The following OXNAD1 variants were observed in gnomAD, a reference collection of about 807,000 sequenced individuals.
OXNAD1 encodes the protein oxidoreductase NAD binding domain containing 1.
Under a neutral mutation model 32.9 loss-of-function variants are expected in OXNAD1, and 34 were observed. The observed-to-expected ratio is 1.03, with a 90% CI of 0.79 to 1.38. The LOEUF is 1.38. OXNAD1 is among the 40% of genes most tolerant of loss of function. The pLI is 0.00. For synonymous variants in OXNAD1, 134 were observed against 135.2 expected, an observed-to-expected ratio of 0.99 and a Z score of 0.06; for missense variants, 407 against 379.4, an observed-to-expected ratio of 1.07 and a Z score of -0.60.
At chr3:16,275,295 CGCAGTGGCTCGTGTCTGTAATCCCA>C (rs1263428034) in intron 4 of OXNAD1, 1 of 153,264 alleles carries the variant, frequency 6.5e-6, no homozygotes, top group African/African-American at 2.4e-5. Flanking sequence ...TGTGGTCAAG[CGCAGTGGCTCGTGTCTGTAATCCCA>C]GCACTTTGGG....
At chr3:16,294,766 C>T in intron 5 of OXNAD1, 90 bp from the exon 6 acceptor site, 3 of 1,226,046 alleles carry the variant, frequency 2.4e-6, no homozygotes, top group Non-Finnish European at 1.1e-6. Context: ...AATTTTTTTT[C>T]ATAGTCTTGC....
chr3:16,272,249 C>T, intron 4 of OXNAD1: 1 of 418,962 alleles, frequency 2.4e-6, no homozygotes, highest in Non-Finnish European at 4.7e-6. Flanking sequence ...CATATTCAGA[C>T]TATAGAAAGC....
chr3:16,293,287 TA>T (rs933615456), intron 5 of OXNAD1, among the ~76,000 whole-genome samples: 5 of 152,262 alleles, frequency 3.3e-5, no homozygotes, highest in African/African-American at 9.6e-5. Flanking sequence ...TATGCTATTA[TA>T]AGTGTAATTG....
Position 16,344,448 on chromosome 3 carries a change from G to A in OXNAD1, c.*31-4728G>A, listed in dbSNP as rs2071509213. Among the ~76,000 whole-genome samples, 1 of 152,084 alleles carries A rather than the reference G, an allele frequency of 6.6e-6. No homozygotes were observed. The highest frequency in any genetic ancestry group is 2.4e-5 in the African/African-American group (1 of 41,380). ...GCGGCTCTGGTTGACACTGGCATGG[G>A]TGGGTGGTCCAGAGTCTTCCCCACT... is the stretch of plus-strand genomic sequence containing the variant. On this transcript the variant is annotated intron_variant, in intron 9 of 9. Transcript: ENST00000606098. The surrounding 1 kb of genome is among the most constrained non-coding windows in gnomAD (Gnocchi z 4.4).
At position 16,291,647 on chromosome 3, in the gene OXNAD1, G is replaced by A. The variant is rs1301149500; in HGVS notation, c.291-3209G>A. Among the ~76,000 whole-genome samples the A allele has an allele frequency of 3.9e-5, 6 of 152,278 alleles. No homozygotes were observed. In the East Asian group the frequency reaches 1.2e-3, roughly 29 times the overall value. ...TTGTTTATATCTTCATTAGCTGATG[G>A]ACATTTACATTGTTTCCACTTTGGG... On this transcript the variant is annotated intron_variant, in intron 5 of 8. Transcript: ENST00000285083.
chr3:16,274,012 A>G (rs2065147364), intron 4 of OXNAD1, among the ~76,000 whole-genome samples: 1 of 152,074 alleles, frequency 6.6e-6, no homozygotes, highest in South Asian at 2.1e-4. Context: ...TACAGTATTC[A>G]GTATTCTGTG....
At chr3:16,300,227 TCTAA>T (rs764834488) in intron 6 of OXNAD1, among the ~76,000 whole-genome samples, 1 of 152,186 alleles carries the variant, frequency 6.6e-6, no homozygotes, top group African/African-American at 2.4e-5. Context: ...AACATAATTC[TCTAA>T]CTAATACAAA....
Position 16,269,252 on chromosome 3 carries a change from C to T in OXNAD1, c.-32C>T. On this transcript the variant is annotated 5_prime_UTR_variant, in exon 2 of 9. Coordinates refer to ENST00000285083, the MANE Select transcript of OXNAD1 (RefSeq NM_138381.5). ...TCAGCTGACCATATACTTAATGACT[C>T]CTAAAATCTCGTGGACTTCTAAGGT... The T allele has an allele frequency of 6.5e-7, 1 of 1,535,306 alleles. No homozygotes were observed. Among genetic ancestry groups the T allele is most frequent in the Non-Finnish European group, 8.7e-7 (1 of 1,146,744 alleles).
In OXNAD1 at chr3:16,287,953, C is replaced by T. The variant is rs116818626; in HGVS notation, c.290+1505C>T. 1.5e-3 allele frequency among the ~76,000 whole-genome samples: 229 copies of T among 152,238 alleles called. No homozygotes were observed. Among genetic ancestry groups the T allele is most frequent in the African/African-American group, 5.4e-3 (223 of 41,548 alleles). ...AGACTTCTTCGGAGGTCGGACTTGG[C>T]GGGTAAGGATCACTGGCTGGTAGTG... is the stretch of plus-strand genomic sequence containing the variant. On this transcript the variant is annotated intron_variant, in intron 5 of 8. Transcript: ENST00000285083. The surrounding 1 kb of genome is among the most constrained non-coding windows in gnomAD (Gnocchi z 4.8).
At position 16,321,868 on chromosome 3, in the gene OXNAD1, C is replaced by T. The variant is rs1479802954; in HGVS notation, c.*31-15244C>T. On this transcript the variant is annotated intron_variant, in intron 9 of 9. Coordinates refer to the OXNAD1 transcript ENST00000435829. The surrounding 1 kb of genome is among the most constrained non-coding windows in gnomAD (Gnocchi z 4.8). ...AAATCTATCTCTAAAGTCTCCCTGC[C>T]GACTCAAGTTTCCACTGACTTGTCC... Among the ~76,000 whole-genome samples, 1 of 152,158 alleles carries T rather than the reference C, an allele frequency of 6.6e-6. No homozygotes were observed. Among genetic ancestry groups the T allele is most frequent in the Non-Finnish European group, 1.5e-5 (1 of 68,016 alleles).
At position 16,329,524 on chromosome 3, in the gene OXNAD1, T is replaced by C. The variant is rs756945325; in HGVS notation, c.*31-7588T>C. Among the ~76,000 whole-genome samples, 3 of 152,228 alleles carry C rather than the reference T, an allele frequency of 2.0e-5. No homozygotes were observed. The highest frequency in any genetic ancestry group is 6.5e-5 in the Admixed American group (1 of 15,298). On this transcript the variant is annotated intron_variant, in intron 9 of 9. Coordinates refer to the OXNAD1 transcript ENST00000435829. The surrounding 1 kb of genome is among the most constrained non-coding windows in gnomAD (Gnocchi z 4.5). ...ATGGCCCAGCAGTTGTGACCATCCTTTCTGCCTGGCCTCTGGGCACACGCA... is the reference window on the plus strand; with the variant it reads ...ATGGCCCAGCAGTTGTGACCATCCTCTCTGCCTGGCCTCTGGGCACACGCA...
At position 16,316,756 on chromosome 3, in the gene OXNAD1, C is replaced by T; in HGVS notation, c.*30+13164C>T. On this transcript the variant is annotated intron_variant, in intron 9 of 9. Transcript: ENST00000435829. This position sits in a 1 kb window ranked among gnomAD's most constrained non-coding sequence, Gnocchi z 4.5. ...AACACACAACACCAGGGAAACCAGC[C>T]CCCAAACCAGCTGTTGGTAAGATGC... is the stretch of plus-strand genomic sequence containing the variant. 4 of 1,581,908 alleles carry T rather than the reference C, an allele frequency of 2.5e-6. No homozygotes were observed. Among genetic ancestry groups the T allele is most frequent in the Non-Finnish European group, 2.6e-6 (3 of 1,153,918 alleles).
rs1384721118 is a variant in OXNAD1, at chr3:16,289,610, A to G, written c.290+3162A>G. ...ACTGTAGATAGATAATATCCTTGCA[A>G]CCTACACAAGCATGTGTGGCAGCCC... On this transcript the variant is annotated intron_variant, in intron 5 of 8. Coordinates refer to ENST00000285083, the MANE Select transcript of OXNAD1 (RefSeq NM_138381.5). This position sits in a 1 kb window ranked among gnomAD's most constrained non-coding sequence, Gnocchi z 4.9. Among the ~76,000 whole-genome samples, 2 of 151,772 alleles carry G rather than the reference A, an allele frequency of 1.3e-5. No homozygotes were observed. Among genetic ancestry groups the G allele is most frequent in the Admixed American group, 1.3e-4 (2 of 15,248 alleles).
In OXNAD1 at chr3:16,280,953, A is replaced by G. The variant is rs1184376303; in HGVS notation, c.184-5389A>G. On this transcript the variant is annotated intron_variant, in intron 4 of 8. Transcript: ENST00000285083. This position sits in a 1 kb window ranked among gnomAD's most constrained non-coding sequence, Gnocchi z 4.5. ...ATGTGTTTTAACTTAGGACATGGAT[A>G]GTTGAGGTTTCAGTTGTGAATCTTT... 6.6e-6 allele frequency among the ~76,000 whole-genome samples: 1 copy of G among 152,230 alleles called. No individual in the cohort carries two copies. Among genetic ancestry groups the G allele is most frequent in the African/African-American group, 2.4e-5 (1 of 41,460 alleles).
rs554271326 is a variant in OXNAD1 at position 16,329,980 on chromosome 3, G to A, written c.*31-7132G>A. Among the ~76,000 whole-genome samples the A allele has an allele frequency of 3.3e-5, 5 of 152,210 alleles. No homozygotes were observed. The highest frequency in any genetic ancestry group is 2.1e-4 in the South Asian group (1 of 4,824). ...CGCCTGCTTAGACAGACTGCAAACC[G>A]GCTGCTTCTATTTTGCTCCGTTTTA... On this transcript the variant is annotated intron_variant, in intron 9 of 9. Coordinates refer to the OXNAD1 transcript ENST00000435829. This position sits in a 1 kb window ranked among gnomAD's most constrained non-coding sequence, Gnocchi z 4.5.
intron 9 of OXNAD1, chr3:16,323,412 A>C (rs690216): frequency 0.56 from 896,709 of 1,604,842 alleles, 253,138 homozygotes; most frequent in African/African-American, 0.71. Flanking sequence ...GAGGTAGACA[A>C]GGTCTCTGAA....
At position 16,316,708 on chromosome 3, in the gene OXNAD1, T is replaced by G. The variant is rs1026196260; in HGVS notation, c.*30+13116T>G. 12 of 1,258,752 alleles carry G rather than the reference T, an allele frequency of 9.5e-6. No homozygotes were observed. The highest frequency in any genetic ancestry group is 1.4e-5 in the Non-Finnish European group (12 of 878,868). The allele number at this position is 1,258,752 out of a possible 1,614,324, so 78.0% of individuals were successfully genotyped here. A position where few individuals can be genotyped will look rare whatever the true frequency, so the allele number is the denominator to read the frequency against. On this transcript the variant is annotated intron_variant, in intron 9 of 9. Coordinates refer to the OXNAD1 transcript ENST00000435829. This position sits in a 1 kb window ranked among gnomAD's most constrained non-coding sequence, Gnocchi z 4.5. ...GCTCAGGTGAGCTCACAAGGAGAGG[T>G]CAAGCCAAGCCAAAGGGTAGGTAAC...
chr3:16,273,322 G>A (rs1054592232), intron 4 of OXNAD1, among the ~76,000 whole-genome samples: 6 of 150,992 alleles, frequency 4.0e-5, no homozygotes, highest in East Asian at 1.9e-4. Context: ...AAACTATGCC[G>A]TAAGATACAT....
chr3:16,269,703 G>A (rs956215258), intron 2 of OXNAD1, among the ~76,000 whole-genome samples: 21 of 152,164 alleles, frequency 1.4e-4, no homozygotes, highest in African/African-American at 4.8e-4. Flanking sequence ...ATAGATACTC[G>A]TTGAATGAAG....
Sources: allele counts gnomAD v4.1 joint callset (sites outside exome capture counted in the v4.1 genomes callset), GRCh38; gene constraint gnomAD v4.1.1; non-coding constraint Gnocchi (gnomAD v3.1); transcripts MANE v1.5; gene names NCBI Gene and HGNC (gene_info 2026-07-23, HGNC 2026-07-21).